ATP2C2: variants seen among roughly 807,000 people sequenced by gnomAD.
The protein encoded by ATP2C2 is calcium-transporting ATPase type 2C member 2.
In ATP2C2, 171 loss-of-function variants were observed where a neutral mutation model predicts 110.8. The observed-to-expected ratio is 1.54, with a 90% CI of 1.36 to 1.75. The LOEUF (loss-of-function observed/expected upper bound fraction) is 1.75. ATP2C2 is among the 40% of genes most tolerant of loss of function. The pLI is 0.00. For missense variants in ATP2C2, 1,963 were observed against 1,235.0 expected (o/e 1.59, Z -8.84); for synonymous variants, 804 against 508.4 (o/e 1.58, Z -7.82).
rs755169598 is a variant in ATP2C2 at position 84,408,494 on chromosome 16, G to A, written c.417G>A (p.Thr139=). ...ATGAGGACGCCGTCAGCATCGCCAC[G>A]GTGAGTTCCCTGACAGCGCTCGGCT... is the stretch of plus-strand genomic sequence containing the variant. The part of the protein sequence containing the change: ...KEYEDAVSIA[T]AVLVVVTVAF... Residue 139 remains threonine, a splice_region_variant and synonymous_variant, in exon 4 of 27, where the codon ACG becomes ACA. Coordinates refer to ENST00000262429, the MANE Select transcript of ATP2C2 (RefSeq NM_014861.4). 9.9e-6 allele frequency: 16 copies of A among 1,612,188 alleles called. No homozygotes were observed. The highest frequency in any genetic ancestry group is 4.4e-5 in the South Asian group (4 of 91,060).
chr16:84,409,132 A>G (rs1906046453), intron 4 of ATP2C2, among the ~76,000 whole-genome samples: 1 of 152,196 alleles, frequency 6.6e-6, no homozygotes, highest in Non-Finnish European at 1.5e-5. Flanking sequence ...CAGACGGATG[A>G]GTTCATGTCC....
At chr16:84,448,769 A>G in intron 17 of ATP2C2, 80 bp downstream of exon 17, 1 of 1,524,008 alleles carries the variant, frequency 6.6e-7, no homozygotes, top group Non-Finnish European at 8.8e-7. Context: ...CAGGGTCCCT[A>G]GTCAAGGAGG....
At chr16:84,452,148 G>A in intron 18 of ATP2C2, 57 bp downstream of exon 18, 7 of 1,595,924 alleles carry the variant, frequency 4.4e-6, no homozygotes, top group South Asian at 1.1e-5. Context: ...CTTTACGATG[G>A]GGGGCTGCTA....
intron 10 of ATP2C2, among the ~76,000 whole-genome samples, chr16:84,425,322 A>T (rs114314738): frequency 0.012 from 1,779 of 152,326 alleles, 26 homozygotes; most frequent in African/African-American, 0.041. Context: ...ATATTTAATC[A>T]TGAGTACCAC....
intron 1 of ATP2C2, among the ~76,000 whole-genome samples, chr16:84,379,894 G>C (rs1351586361): frequency 6.6e-6 from 1 of 152,188 alleles, no homozygotes; most frequent in Admixed American, 6.5e-5. Context: ...TAAGAAAGAA[G>C]GTAGGTATGG....
chr16:84,391,395 T>A (rs1904656198), intron 1 of ATP2C2, among the ~76,000 whole-genome samples: 2 of 152,202 alleles, frequency 1.3e-5, no homozygotes, highest in South Asian at 2.1e-4. Flanking sequence ...AGGCGTGTCC[T>A]CCCAAAAACA....
intron 15 of ATP2C2, among the ~76,000 whole-genome samples, chr16:84,445,366 G>T (rs1017885284): frequency 6.6e-6 from 1 of 152,004 alleles, no homozygotes; most frequent in Non-Finnish European, 1.5e-5. Flanking sequence ...CTGCCACCAC[G>T]CCTGGCTAAC....
At chr16:84,445,040 G>A (rs1013598224) in intron 15 of ATP2C2, among the ~76,000 whole-genome samples, 2 of 152,144 alleles carry the variant, frequency 1.3e-5, no homozygotes, top group Admixed American at 6.5e-5. Flanking sequence ...GTGGCCAGAA[G>A]TTGAAATCAA....
chr16:84,443,708 C>G (rs1909478502), intron 15 of ATP2C2, among the ~76,000 whole-genome samples: 1 of 152,200 alleles, frequency 6.6e-6, no homozygotes, highest in African/African-American at 2.4e-5. Context: ...CACCAGGGCT[C>G]ACTTCACTGC....
intron 20 of ATP2C2, among the ~76,000 whole-genome samples, chr16:84,454,272 G>A (rs1438789661): frequency 6.6e-6 from 1 of 152,170 alleles, no homozygotes; most frequent in Non-Finnish European, 1.5e-5. Context: ...GCCCAATAAA[G>A]AGCTGATGTG....
chr16:84,389,499 C>G (rs1034174317), intron 1 of ATP2C2, among the ~76,000 whole-genome samples: 1 of 152,214 alleles, frequency 6.6e-6, no homozygotes, highest in Non-Finnish European at 1.5e-5. Flanking sequence ...CCATGCGGTA[C>G]TCGTGTATAC....
intron 1 of ATP2C2, among the ~76,000 whole-genome samples, chr16:84,393,404 G>A (rs921528109): frequency 6.6e-6 from 1 of 152,080 alleles, no homozygotes; most frequent in East Asian, 1.9e-4. Context: ...TTTCCTGACT[G>A]TCACGAGACT....
At position 84,415,580 on chromosome 16, in the gene ATP2C2, C is replaced by A; in HGVS notation, c.613C>A (p.Arg205=). The A allele has an allele frequency of 3.7e-6, 6 of 1,613,362 alleles. No individual in the cohort carries two copies. Among genetic ancestry groups the A allele is most frequent in the Non-Finnish European group, 5.1e-6 (6 of 1,179,580 alleles). The change falls in exon 7 of 27, where the codon CGA becomes AGA. Residue 205 remains arginine, a synonymous_variant. Transcript: ENST00000262429. ...CGGAGACCGGATCCCTGCAGACATC[C>A]GACTCACTGAGGTGAGTGGTTCCAA... ...SIGDRIPADI[R]LTEVTDLLVD...
At position 84,460,108 on chromosome 16, in the gene ATP2C2, A is replaced by G. The variant is rs1213977291; in HGVS notation, c.2334-546A>G. On this transcript the variant is annotated intron_variant, in intron 23 of 26. Transcript: ENST00000262429. Reference sequence around the variant, plus strand: ...AAGAGAGTCCTCATTTGTGTCCCCAAAGCCAAGTGTGAGGGTTACCTCTCC... The same window carrying G: ...AAGAGAGTCCTCATTTGTGTCCCCAGAGCCAAGTGTGAGGGTTACCTCTCC... The G allele has an allele frequency of 2.0e-5, 4 of 200,436 alleles. No individual in the cohort carries two copies. The South Asian group carries it at 2.8e-4, about 14-fold the overall frequency. The allele number at this position is 200,436 out of a possible 1,614,324, so 12.4% of individuals were successfully genotyped here.
intron 1 of ATP2C2, among the ~76,000 whole-genome samples, chr16:84,379,860 C>A (rs1910475081): frequency 6.6e-6 from 1 of 152,084 alleles, no homozygotes; most frequent in Non-Finnish European, 1.5e-5. Flanking sequence ...CTGAGATAAA[C>A]CCCAGGAAGG....
In ATP2C2 at chr16:84,460,717, C is replaced by T. The variant is rs375339345; in HGVS notation, c.2397C>T (p.Thr799=). ...FRQPPRSVRD[T]ILSRALILKI... is the part of the protein sequence containing the mutation. The stretch of plus-strand genomic sequence containing the variant: ...AGCCACCACGGAGTGTGCGGGACAC[C>T]ATCCTCAGCAGAGCCCTCATCCTGA... The change falls in exon 24 of 27, where the codon ACC becomes ACT. Residue 799 remains threonine (T), a synonymous_variant. Coordinates refer to ENST00000262429, the MANE Select transcript of ATP2C2 (RefSeq NM_014861.4). The T allele has an allele frequency of 3.1e-6, 5 of 1,614,058 alleles. No homozygotes were observed. The highest frequency in any genetic ancestry group is 4.2e-6 in the Non-Finnish European group (5 of 1,180,036).
In ATP2C2 at chr16:84,423,181, C is replaced by G. The variant is rs777623630; in HGVS notation, c.844-7C>G. The stretch of plus-strand genomic sequence containing the variant: ...GTCCAACTAACCCATTGTGCTCACC[C>G]TTTCAGACACCTAAAACTCCTTTGC... On this transcript the variant is annotated splice_region_variant and splice_polypyrimidine_tract_variant and intron_variant, in intron 9 of 26. Transcript: ENST00000262429. 5 of 1,613,658 alleles carry G rather than the reference C, an allele frequency of 3.1e-6. No homozygotes were observed. Among genetic ancestry groups the G allele is most frequent in the Non-Finnish European group, 4.2e-6 (5 of 1,179,596 alleles).
rs1567715387 is a variant in ATP2C2, at chr16:84,425,819, GC to G, written c.986+22del. 6.2e-7 allele frequency: 1 copy of G among 1,613,460 alleles called. No homozygotes were observed. The highest frequency in any genetic ancestry group is 8.5e-7 in the Non-Finnish European group (1 of 1,179,454). On this transcript the variant is annotated intron_variant, in intron 11 of 26. Coordinates refer to ENST00000262429, the MANE Select transcript of ATP2C2 (RefSeq NM_014861.4). ...GGGGTCAGGTAAGAGTGCTATGGCC[GC>G]CCCTTGCCTTGCCAGGGTGGTCAAT...
chr16:84,452,598 A>C (rs1243205470), intron 18 of ATP2C2, among the ~76,000 whole-genome samples: 1 of 148,672 alleles, frequency 6.7e-6, no homozygotes, highest in Non-Finnish European at 1.5e-5. Context: ...TCCTGGGTTC[A>C]AGCAATTCTC....
Sources: allele counts gnomAD v4.1 joint callset (sites outside exome capture counted in the v4.1 genomes callset), GRCh38; gene constraint gnomAD v4.1.1; transcripts MANE v1.5; gene names NCBI Gene and HGNC (gene_info 2026-07-23, HGNC 2026-07-21).